CTNND2: variants seen among roughly 807,000 people sequenced by gnomAD.
CTNND2 encodes catenin delta 2.
In CTNND2, 22 loss-of-function variants were observed where a neutral mutation model predicts 144.4. The observed-to-expected ratio is 0.15, with a 90% confidence interval of 0.11 to 0.22. CTNND2 has a LOEUF of 0.22. Ranked by LOEUF, CTNND2 falls within the 10% of genes least tolerant of loss-of-function variation. The pLI, the probability that CTNND2 is intolerant of heterozygous loss-of-function variation, is 1.00. For missense variants in CTNND2, 1,353 were observed against 1,618.8 expected (o/e 0.84, Z 2.82); for synonymous variants, 751 against 695.6 (o/e 1.08, Z -1.25).
intron 1 of CTNND2, among the ~76,000 whole-genome samples, chr5:11,898,808 T>C (rs1466653740): frequency 6.6e-6 from 1 of 152,300 alleles, no homozygotes; most frequent in South Asian, 2.1e-4. Context: ...AATAACCACA[T>C]TTATTGTAAA....
chr5:11,888,239 T>A (rs1261301269), intron 1 of CTNND2, among the ~76,000 whole-genome samples: 1 of 152,222 alleles, frequency 6.6e-6, no homozygotes, highest in African/African-American at 2.4e-5. Flanking sequence ...GTCCTTTAAT[T>A]AAGCCTAGTG....
intron 2 of CTNND2, among the ~76,000 whole-genome samples, chr5:11,655,861 C>G (rs189071211): frequency 6.6e-6 from 1 of 152,090 alleles, no homozygotes; most frequent in Admixed American, 6.6e-5. Context: ...TCCAGGTTTC[C>G]CAAGTTGCTA....
intron 2 of CTNND2, among the ~76,000 whole-genome samples, chr5:11,681,514 T>C (rs111696444): frequency 0.022 from 3,414 of 152,302 alleles, 47 homozygotes; most frequent in East Asian, 0.057. Flanking sequence ...CTATTGTGCA[T>C]GTGCTGAAGT....
At chr5:11,242,019 G>A (rs888133882) in intron 9 of CTNND2, among the ~76,000 whole-genome samples, 1 of 151,970 alleles carries the variant, frequency 6.6e-6, no homozygotes, top group Middle Eastern at 3.4e-3. Context: ...GAGGACGGCT[G>A]TCTGGGAACA....
intron 12 of CTNND2, among the ~76,000 whole-genome samples, chr5:11,119,964 C>T (rs1753922606): frequency 6.6e-6 from 1 of 152,194 alleles, no homozygotes; most frequent in African/African-American, 2.4e-5. Context: ...CACTGGTAAT[C>T]ATTAAATGCG....
chr5:11,502,956 G>T (rs924958137), intron 3 of CTNND2, among the ~76,000 whole-genome samples: 1 of 152,136 alleles, frequency 6.6e-6, no homozygotes, highest in Non-Finnish European at 1.5e-5. Context: ...CATCAAATAG[G>T]AGTTCTAATG....
chr5:11,007,542 C>T (rs1255893275), intron 18 of CTNND2, among the ~76,000 whole-genome samples: 1 of 152,256 alleles, frequency 6.6e-6, no homozygotes, highest in Admixed American at 6.5e-5. Flanking sequence ...GACCTCACTT[C>T]TTCCCTTGGT....
chr5:11,539,646 T>C (rs924371296), intron 3 of CTNND2, among the ~76,000 whole-genome samples: 1 of 152,220 alleles, frequency 6.6e-6, no homozygotes, highest in Non-Finnish European at 1.5e-5. Context: ...TCAGTGGAAT[T>C]TGCAGCCTTT....
intron 14 of CTNND2, among the ~76,000 whole-genome samples, chr5:11,102,003 G>T (rs933636672): frequency 6.6e-6 from 1 of 151,302 alleles, no homozygotes; most frequent in Non-Finnish European, 1.5e-5. Context: ...GAAGACAGAG[G>T]CATTTGTGGT....
At chr5:11,110,417 T>C (rs897159653) in intron 14 of CTNND2, among the ~76,000 whole-genome samples, 8 of 152,312 alleles carry the variant, frequency 5.3e-5, no homozygotes, top group African/African-American at 1.9e-4. Context: ...ATCTAAATGC[T>C]TCGAAACCAG....
At chr5:11,473,456 T>C (rs186608429) in intron 3 of CTNND2, among the ~76,000 whole-genome samples, 281 of 152,268 alleles carry the variant, frequency 1.8e-3, no homozygotes, top group Admixed American at 4.3e-3. Flanking sequence ...AAGGGGATAC[T>C]GAGTGAGAAG....
intron 15 of CTNND2, among the ~76,000 whole-genome samples, chr5:11,090,013 AAAAT>A (rs778506454): frequency 7.2e-5 from 11 of 152,310 alleles, no homozygotes; most frequent in African/African-American, 2.6e-4. Context: ...TGTCTCAAAA[AAAAT>A]AAATAGATAG....
At chr5:11,564,220 A>T (rs1215528079) in intron 3 of CTNND2, among the ~76,000 whole-genome samples, 1 of 152,198 alleles carries the variant, frequency 6.6e-6, no homozygotes, top group Non-Finnish European at 1.5e-5. Context: ...CTCCCTAAAA[A>T]TGTAGTAGAG....
intron 1 of CTNND2, among the ~76,000 whole-genome samples, chr5:11,847,124 GA>G (rs1328933747): frequency 1.9e-4 from 19 of 99,270 alleles, no homozygotes; most frequent in African/African-American, 6.0e-4. Flanking sequence ...GTATGTCAAA[GA>G]TTTTATATAT....
chr5:11,440,931 T>C (rs1044815748), intron 3 of CTNND2, among the ~76,000 whole-genome samples: 1 of 152,226 alleles, frequency 6.6e-6, no homozygotes, highest in Non-Finnish European at 1.5e-5. Flanking sequence ...AGAAGGAGCA[T>C]ACTTATTTGT....
chr5:11,608,541 T>C (rs1341306590), intron 2 of CTNND2, among the ~76,000 whole-genome samples: 2 of 152,154 alleles, frequency 1.3e-5, no homozygotes, highest in African/African-American at 4.8e-5. Flanking sequence ...GAACAGCCTC[T>C]TTCCCCCTAC....
intron 2 of CTNND2, among the ~76,000 whole-genome samples, chr5:11,712,135 T>C (rs1786068964): frequency 6.6e-6 from 1 of 152,168 alleles, no homozygotes; most frequent in Non-Finnish European, 1.5e-5. Context: ...AGTCAAACAA[T>C]GTTTGCAGAA....
chr5:11,099,575 A>G (rs1404525245), intron 14 of CTNND2, among the ~76,000 whole-genome samples: 2 of 152,228 alleles, frequency 1.3e-5, no homozygotes, highest in Non-Finnish European at 2.9e-5. Context: ...TTTGCACATT[A>G]TTCCAACTAA....
intron 2 of CTNND2, among the ~76,000 whole-genome samples, chr5:11,686,573 G>T (rs968238494): frequency 3.3e-5 from 5 of 152,026 alleles, no homozygotes; most frequent in Non-Finnish European, 7.4e-5. Flanking sequence ...CCAAAAAGGG[G>T]TTCTCAGTAG....
Sources: gnomAD v4.1 joint callset for allele counts (sites outside exome capture counted in the v4.1 genomes callset) on GRCh38, gnomAD v4.1.1 for gene constraint, MANE v1.5 for transcripts, NCBI Gene and HGNC (gene_info 2026-07-23, HGNC 2026-07-21) for gene names.